The following C12orf42 variants were observed in gnomAD, a reference collection of about 807,000 sequenced individuals.
C12orf42 encodes the protein uncharacterized protein C12orf42.
Under a neutral mutation model 21.6 loss-of-function variants are expected in C12orf42, and 25 were observed. The observed-to-expected ratio is 1.16, with a 90% CI of 0.84 to 1.62. C12orf42 has a LOEUF of 1.62. Ranked by LOEUF, C12orf42 falls within the 40% of genes most tolerant of loss-of-function variation. C12orf42 has a pLI of 0.00. For missense variants in C12orf42, 483 were observed against 459.3 expected (o/e 1.05, Z -0.47); for synonymous variants, 174 against 175.0 (o/e 0.99, Z 0.05).
chr12:103,231,992 G>C, the C12orf42 span, among the ~76,000 whole-genome samples: 1 of 152,144 alleles, frequency 6.6e-6, no homozygotes, highest in African/African-American at 2.4e-5. Flanking sequence ...CAGTGTTTCA[G>C]ATTTGGCCAT....
At chr12:103,138,605 C>T in the C12orf42 span, among the ~76,000 whole-genome samples, 2 of 152,176 alleles carry the variant, frequency 1.3e-5, no homozygotes, top group African/African-American at 2.4e-5. Flanking sequence ...CACTAATACA[C>T]TATATAATCC....
chr12:103,410,038 C>A (rs7302598), intron 2 of C12orf42, among the ~76,000 whole-genome samples: 1 of 152,018 alleles, frequency 6.6e-6, no homozygotes, highest in Non-Finnish European at 1.5e-5. Flanking sequence ...TAAGTGACAC[C>A]GTAAGGAGAA....
intron 1 of C12orf42, among the ~76,000 whole-genome samples, chr12:103,493,876 TTAC>T (rs1331996145): frequency 7.9e-5 from 12 of 152,198 alleles, no homozygotes; most frequent in Admixed American, 7.9e-4. Context: ...GCAAACATTC[TTAC>T]TACTTACTTC....
the C12orf42 span, among the ~76,000 whole-genome samples, chr12:103,056,330 A>G: frequency 2.6e-5 from 4 of 152,288 alleles, no homozygotes; most frequent in Non-Finnish European, 1.5e-5. Context: ...TGGTACTCAC[A>G]TCATTTTCTC....
the C12orf42 span, among the ~76,000 whole-genome samples, chr12:103,137,124 C>T: frequency 6.6e-6 from 1 of 152,040 alleles, no homozygotes; most frequent in Non-Finnish European, 1.5e-5. Flanking sequence ...GCAAACTATT[C>T]ATTCAAGGAA....
At chr12:103,113,973 T>C in the C12orf42 span, among the ~76,000 whole-genome samples, 1 of 152,210 alleles carries the variant, frequency 6.6e-6, no homozygotes, top group Admixed American at 6.5e-5. Context: ...ACAGTTTAGA[T>C]TTTTTTGTTA....
the C12orf42 span, among the ~76,000 whole-genome samples, chr12:103,199,556 A>T: frequency 1.3e-5 from 2 of 152,196 alleles, no homozygotes; most frequent in African/African-American, 2.4e-5. Context: ...TTTGTAAACC[A>T]CATATTTGAT....
intron 2 of C12orf42, among the ~76,000 whole-genome samples, chr12:103,404,326 C>T (rs1036505103): frequency 6.6e-6 from 1 of 151,990 alleles, no homozygotes; most frequent in African/African-American, 2.4e-5. Flanking sequence ...AACAAAAATG[C>T]TATTGTAATC....
the C12orf42 span, among the ~76,000 whole-genome samples, chr12:103,088,243 G>T: frequency 2.0e-5 from 3 of 152,204 alleles, no homozygotes; most frequent in African/African-American, 7.2e-5. Flanking sequence ...GTTCATTCTA[G>T]ATATTTTGTT....
At chr12:103,542,847 AT>A in the C12orf42 span, among the ~76,000 whole-genome samples, 1 of 152,212 alleles carries the variant, frequency 6.6e-6, no homozygotes, top group African/African-American at 2.4e-5. Context: ...AAGGTCTACT[AT>A]CTGAGGAGGA....
intron 3 of C12orf42, among the ~76,000 whole-genome samples, chr12:103,390,006 G>C (rs914592809): frequency 1.3e-5 from 2 of 152,126 alleles, no homozygotes; most frequent in African/African-American, 4.8e-5. Context: ...ATTCTTGTAA[G>C]ATCATTTTGC....
intron 4 of C12orf42, among the ~76,000 whole-genome samples, chr12:103,338,628 G>A (rs1035510534): frequency 6.6e-6 from 1 of 152,158 alleles, no homozygotes; most frequent in Non-Finnish European, 1.5e-5. Flanking sequence ...CTCCTAAAGT[G>A]TTTTTATTTT....
intron 3 of C12orf42, among the ~76,000 whole-genome samples, chr12:103,386,028 G>A (rs564374632): frequency 1.1e-3 from 165 of 152,300 alleles, no homozygotes; most frequent in African/African-American, 3.6e-3. Flanking sequence ...CTGGCAGCAC[G>A]GTTCTAGGCA....
chr12:103,543,211 T>C, the C12orf42 span, among the ~76,000 whole-genome samples: 1 of 152,190 alleles, frequency 6.6e-6, no homozygotes, highest in South Asian at 2.1e-4. Context: ...CAGAAATGCA[T>C]AGCTGGAGAA....
chr12:103,230,290 G>A, the C12orf42 span, among the ~76,000 whole-genome samples: 3 of 152,012 alleles, frequency 2.0e-5, no homozygotes, highest in Admixed American at 1.3e-4. Context: ...GCTCCCTTGG[G>A]TTGTTGGAAG....
the C12orf42 span, among the ~76,000 whole-genome samples, chr12:103,530,630 G>GGA: frequency 6.6e-6 from 1 of 152,106 alleles, no homozygotes; most frequent in Non-Finnish European, 1.5e-5. Context: ...AGTGTTCGGG[G>GGA]GGGGAAAACC....
intron 1 of C12orf42, among the ~76,000 whole-genome samples, chr12:103,486,833 T>C (rs192878551): frequency 5.9e-5 from 9 of 152,290 alleles, no homozygotes; most frequent in African/African-American, 1.9e-4. Context: ...TTATTGAGTC[T>C]ATTTGATTCT....
the C12orf42 span, among the ~76,000 whole-genome samples, chr12:103,137,870 G>T: frequency 1.1e-4 from 16 of 152,016 alleles, no homozygotes; most frequent in Non-Finnish European, 1.5e-4. Flanking sequence ...GGCCAGGCAG[G>T]GTGTGTGGGG....
At chr12:103,311,511 G>A (rs1593379060) in intron 4 of C12orf42, among the ~76,000 whole-genome samples, 1 of 152,140 alleles carries the variant, frequency 6.6e-6, no homozygotes, top group East Asian at 1.9e-4. Flanking sequence ...TTGCCTAAGT[G>A]GCTACAGCAA....
Sources: allele counts gnomAD v4.1 joint callset (sites outside exome capture counted in the v4.1 genomes callset), GRCh38; gene constraint gnomAD v4.1.1; transcripts MANE v1.5; gene names NCBI Gene and HGNC (gene_info 2026-07-23, HGNC 2026-07-21).